ANKS1B: variants seen among roughly 807,000 people sequenced by gnomAD.
ANKS1B encodes ankyrin repeat and sterile alpha motif domain containing 1B.
In ANKS1B, 36 loss-of-function variants were observed where a neutral mutation model predicts 148.3. That is an observed-to-expected ratio of 0.24 (90% CI 0.19 to 0.32). The LOEUF (loss-of-function observed/expected upper bound fraction) is 0.32. Among genes scored for constraint, ANKS1B ranks in the 10% least tolerant of loss-of-function variants. The pLI, the probability that ANKS1B is intolerant of heterozygous loss-of-function variation, is 1.00. For synonymous variants in ANKS1B, 542 were observed against 560.8 expected (o/e 0.97, Z 0.47); for missense variants, 1,157 against 1,542.6 (o/e 0.75, Z 4.19).
chr12:99,162,872 A>C (rs556394730), intron 14 of ANKS1B, among the ~76,000 whole-genome samples: 1 of 152,250 alleles, frequency 6.6e-6, no homozygotes, highest in African/African-American at 2.4e-5. Context: ...AGCCTGGCCA[A>C]TATGGTAAAA....
chr12:99,224,658 T>C (rs753116504), intron 14 of ANKS1B, among the ~76,000 whole-genome samples: 5 of 152,150 alleles, frequency 3.3e-5, no homozygotes, highest in African/African-American at 9.7e-5. Context: ...ATTAAACCTA[T>C]TTTCTGAAAA....
intron 17 of ANKS1B, among the ~76,000 whole-genome samples, chr12:98,940,481 A>G (rs1351508132): frequency 6.6e-6 from 1 of 152,112 alleles, no homozygotes; most frequent in East Asian, 1.9e-4. Context: ...TGAAACTGTT[A>G]CTTCAGAACC....
intron 12 of ANKS1B, among the ~76,000 whole-genome samples, chr12:99,326,521 T>G (rs1234990978): frequency 6.6e-6 from 1 of 152,084 alleles, no homozygotes; most frequent in South Asian, 2.1e-4. Flanking sequence ...TTTTTGAATC[T>G]TAAAAATTCT....
intron 9 of ANKS1B, among the ~76,000 whole-genome samples, chr12:99,628,736 T>C (rs1429749670): frequency 6.6e-6 from 1 of 152,118 alleles, no homozygotes; most frequent in Non-Finnish European, 1.5e-5. Context: ...GCCTTCTTGC[T>C]GTGTTATCCC....
downstream of ANKS1B, among the ~76,000 whole-genome samples, chr12:98,740,332 C>A (rs943549743): frequency 6.6e-6 from 1 of 152,182 alleles, no homozygotes; most frequent in Non-Finnish European, 1.5e-5. Context: ...GATGCCCAAC[C>A]AACTCATTGC....
At chr12:99,319,192 C>G (rs1277871158) in intron 12 of ANKS1B, among the ~76,000 whole-genome samples, 1 of 152,164 alleles carries the variant, frequency 6.6e-6, no homozygotes, top group Non-Finnish European at 1.5e-5. Context: ...GTTAGGTCCA[C>G]TTGGTGCAGA....
At chr12:98,922,716 C>G (rs2099803092) in intron 17 of ANKS1B, among the ~76,000 whole-genome samples, 1 of 152,082 alleles carries the variant, frequency 6.6e-6, no homozygotes, top group Non-Finnish European at 1.5e-5. Context: ...CCAGGCTGGT[C>G]TTGAACTCCC....
intron 10 of ANKS1B, among the ~76,000 whole-genome samples, chr12:99,449,612 T>C (rs2095692731): frequency 6.6e-6 from 1 of 152,134 alleles, no homozygotes; most frequent in African/African-American, 2.4e-5. Context: ...AATAGGGGTT[T>C]TCAGTATATG....
chr12:99,104,212 T>A (rs1412533351), intron 15 of ANKS1B, among the ~76,000 whole-genome samples: 1 of 151,998 alleles, frequency 6.6e-6, no homozygotes, highest in Non-Finnish European at 1.5e-5. Context: ...ATAATAAAGA[T>A]CAAGTGAGGG....
At chr12:98,802,982 T>C (rs1475132134) in intron 20 of ANKS1B, among the ~76,000 whole-genome samples, 1 of 152,208 alleles carries the variant, frequency 6.6e-6, no homozygotes, top group Admixed American at 6.5e-5. Context: ...TTGTCTGTTT[T>C]ATTATCCATC....
chr12:99,741,982 T>C (rs2153582034), intron 8 of ANKS1B, among the ~76,000 whole-genome samples: 1 of 152,250 alleles, frequency 6.6e-6, no homozygotes, highest in African/African-American at 2.4e-5. Context: ...GCCATTATCC[T>C]TAGCAAAGTA....
At position 99,282,988 on chromosome 12, in the gene ANKS1B, G is replaced by A. The variant is rs577925066; in HGVS notation, c.1757-36124C>T. Among the ~76,000 whole-genome samples the A allele has an allele frequency of 1.3e-4, 20 of 152,182 alleles. 1 individual carries two copies. The highest frequency in any genetic ancestry group is 6.8e-3 in the Middle Eastern group (2 of 294). ...TTGAGAAAAAAAGAAAAGAAATAGC[G>A]GAGACAAGAACTAAGCCTGGAGCAT... On this transcript the variant is annotated intron_variant, in intron 12 of 26. Transcript: ENST00000683438.
At chr12:99,939,550 T>C (rs10745883) in intron 1 of ANKS1B, among the ~76,000 whole-genome samples, 92,386 of 151,926 alleles carry the variant, frequency 0.61, 29,284 homozygotes, top group African/African-American at 0.7. Flanking sequence ...TTCTTTCCAT[T>C]GTTCTTCCAG....
At chr12:98,880,878 T>C (rs1257627990) in intron 17 of ANKS1B, among the ~76,000 whole-genome samples, 2 of 152,124 alleles carry the variant, frequency 1.3e-5, no homozygotes, top group South Asian at 2.1e-4. Context: ...CCAACCCCCA[T>C]AATTACTGGA....
chr12:98,870,445 G>A (rs1004795747), intron 17 of ANKS1B, among the ~76,000 whole-genome samples: 1 of 152,206 alleles, frequency 6.6e-6, no homozygotes, highest in Non-Finnish European at 1.5e-5. Flanking sequence ...TGGGGAGCAT[G>A]TGTTCTTTAC....
At chr12:98,936,876 A>T (rs1361976604) in intron 17 of ANKS1B, among the ~76,000 whole-genome samples, 1 of 152,190 alleles carries the variant, frequency 6.6e-6, no homozygotes, top group Non-Finnish European at 1.5e-5. Flanking sequence ...GGGAATTGTG[A>T]TAAGGAGTAT....
At chr12:99,273,261 A>G (rs771871950) in intron 12 of ANKS1B, among the ~76,000 whole-genome samples, 1 of 152,136 alleles carries the variant, frequency 6.6e-6, no homozygotes, top group Non-Finnish European at 1.5e-5. Context: ...CAGGGGCCCA[A>G]AGGTCTCTTA....
At chr12:98,960,073 G>A (rs2099868656) in intron 17 of ANKS1B, among the ~76,000 whole-genome samples, 1 of 152,196 alleles carries the variant, frequency 6.6e-6, no homozygotes, top group South Asian at 2.1e-4. Context: ...CTGAAGGGAA[G>A]GACACAAGCC....
chr12:99,210,600 C>T (rs2083219688), intron 14 of ANKS1B, among the ~76,000 whole-genome samples: 1 of 152,194 alleles, frequency 6.6e-6, no homozygotes, highest in Admixed American at 6.5e-5. Flanking sequence ...AACTTCTAGA[C>T]TCACATGTTT....
Sources: allele counts gnomAD v4.1 joint callset (sites outside exome capture counted in the v4.1 genomes callset), GRCh38; gene constraint gnomAD v4.1.1; transcripts MANE v1.5; gene names NCBI Gene and HGNC (gene_info 2026-07-23, HGNC 2026-07-21).